ASTN1: variants seen among roughly 807,000 people sequenced by gnomAD.
The protein encoded by ASTN1 is astrotactin-1.
A neutral mutation model predicts 140.7 loss-of-function variants in ASTN1; 41 were observed. That is an observed-to-expected ratio of 0.29 (90% CI 0.23 to 0.38). ASTN1 has a LOEUF of 0.38. ASTN1 is among the 10% of genes least tolerant of loss of function. The pLI, the probability that ASTN1 is intolerant of heterozygous loss-of-function variation, is 1.00. For synonymous variants in ASTN1, 640 were observed against 652.2 expected (o/e 0.98, Z 0.29); for missense variants, 1,479 against 1,678.8 (o/e 0.88, Z 2.08).
intron 1 of ASTN1, among the ~76,000 whole-genome samples, chr1:177,104,159 C>A (rs1680436054): frequency 6.6e-6 from 1 of 152,078 alleles, no homozygotes; most frequent in Non-Finnish European, 1.5e-5. Context: ...CCATCCTGGG[C>A]AAGTTCTCCC....
At chr1:176,985,295 G>A (rs1002531454) in intron 8 of ASTN1, among the ~76,000 whole-genome samples, 2 of 152,034 alleles carry the variant, frequency 1.3e-5, no homozygotes, top group Non-Finnish European at 2.9e-5. Flanking sequence ...GTCTCCACCC[G>A]CACCTCTGTG....
intron 8 of ASTN1, among the ~76,000 whole-genome samples, chr1:176,995,626 G>C (rs1023124222): frequency 7.2e-5 from 11 of 152,198 alleles, no homozygotes; most frequent in Non-Finnish European, 1.2e-4. Context: ...ATGGGGCAGA[G>C]AGGGTTGGCA....
At chr1:176,990,266 G>C (rs907767996) in intron 8 of ASTN1, among the ~76,000 whole-genome samples, 1 of 151,444 alleles carries the variant, frequency 6.6e-6, no homozygotes, top group Admixed American at 6.6e-5. Context: ...GAAGAGGCTG[G>C]ATTTTTTTTT....
chr1:176,996,545 G>A (rs925414003), intron 8 of ASTN1, among the ~76,000 whole-genome samples: 1 of 152,126 alleles, frequency 6.6e-6, no homozygotes, highest in Non-Finnish European at 1.5e-5. Flanking sequence ...CTGAAAGAAT[G>A]GGGAGAGGTT....
At chr1:176,872,001 T>G (rs942017198) in intron 21 of ASTN1, among the ~76,000 whole-genome samples, 2 of 152,026 alleles carry the variant, frequency 1.3e-5, no homozygotes, top group African/African-American at 4.8e-5. Flanking sequence ...GGCAGCCGGG[T>G]AAATTGGCTG....
Position 177,086,578 on chromosome 1 carries a change from CA to C in ASTN1, c.284-25314del, listed in dbSNP as rs1232671955. Among the ~76,000 whole-genome samples the C allele has an allele frequency of 2.0e-5, 3 of 152,082 alleles. No individual in the cohort carries two copies. The East Asian group carries it at 5.8e-4, about 29-fold the overall frequency. On this transcript the variant is annotated intron_variant, in intron 1 of 22. Transcript: ENST00000361833. ...TGGAATACTACGTAATACTAAATGC[CA>C]AAAACCATCACATGTTTCAAAGAAC... is the stretch of plus-strand genomic sequence containing the variant.
intron 8 of ASTN1, among the ~76,000 whole-genome samples, chr1:176,992,542 A>G (rs1166544303): frequency 6.6e-6 from 1 of 152,166 alleles, no homozygotes; most frequent in Non-Finnish European, 1.5e-5. Flanking sequence ...AGCAAGCTAG[A>G]TGAGGATTAG....
intron 2 of ASTN1, among the ~76,000 whole-genome samples, chr1:177,060,610 A>C (rs1678034659): frequency 6.6e-6 from 1 of 152,166 alleles, no homozygotes; most frequent in Non-Finnish European, 1.5e-5. Context: ...TCCTGTGTTC[A>C]AGCAATTCTC....
intron 22 of ASTN1, among the ~76,000 whole-genome samples, chr1:176,867,244 C>T (rs979527920): frequency 6.6e-6 from 1 of 151,668 alleles, no homozygotes; most frequent in Non-Finnish European, 1.5e-5. Flanking sequence ...CAAATTGTGA[C>T]ATTTATGTTC....
intron 1 of ASTN1, among the ~76,000 whole-genome samples, chr1:177,073,203 A>T (rs1678727900): frequency 6.6e-6 from 1 of 152,166 alleles, no homozygotes; most frequent in South Asian, 2.1e-4. Flanking sequence ...GCCAGGGGAC[A>T]TTCATCCTCC....
chr1:177,109,936 C>T lies in ASTN1; in HGVS notation c.284-48671G>A, dbSNP rs1680740478. ...TCTCAGACTCACTGATTTTTCTATT[C>T]CTTGAAAAGTTCAGCTGAAGGCATC... On this transcript the variant is annotated intron_variant, in intron 1 of 22. Coordinates refer to ENST00000361833, the MANE Select transcript of ASTN1 (RefSeq NM_004319.3). Among the ~76,000 whole-genome samples the T allele has an allele frequency of 2.0e-5, 3 of 152,132 alleles. No homozygotes were observed. In the South Asian group the frequency reaches 6.2e-4, roughly 31 times the overall value.
chr1:177,054,533 C>T (rs1677702416), intron 2 of ASTN1, among the ~76,000 whole-genome samples: 1 of 152,328 alleles, frequency 6.6e-6, no homozygotes, highest in Admixed American at 6.5e-5. Context: ...AAGCCCACCT[C>T]CCCACTAAAA....
At chr1:176,891,354 T>A (rs1669257855) in intron 17 of ASTN1, among the ~76,000 whole-genome samples, 2 of 152,246 alleles carry the variant, frequency 1.3e-5, no homozygotes, top group Admixed American at 1.3e-4. Flanking sequence ...ATGCATCTAT[T>A]CATTCATTTA....
At position 177,032,831 on chromosome 1, in the gene ASTN1, G is replaced by A; in HGVS notation, c.490C>T (p.Leu164=). 1 of 1,605,228 alleles carries A rather than the reference G, an allele frequency of 6.2e-7. No individual in the cohort carries two copies. Among genetic ancestry groups the A allele is most frequent in the East Asian group, 2.2e-5 (1 of 44,732 alleles). Residue 164 remains leucine (L), a synonymous_variant, in exon 3 of 23, where the codon CTG becomes TTG. Transcript: ENST00000361833. The part of the protein sequence containing the change: ...ISVMGGMIAL[L]LSILCLVMIL... ...ATCACCAGGCACAAGATGGACAGCA[G>A]CAGAGCGATCATGCCACCCTAGGAA...
At chr1:177,070,994 T>G (rs1161873754) in intron 1 of ASTN1, among the ~76,000 whole-genome samples, 1 of 152,216 alleles carries the variant, frequency 6.6e-6, no homozygotes, top group Non-Finnish European at 1.5e-5. Flanking sequence ...CAACAATCTT[T>G]GACAGAATTA....
At chr1:177,130,480 G>A (rs553387604) in intron 1 of ASTN1, among the ~76,000 whole-genome samples, 1 of 152,138 alleles carries the variant, frequency 6.6e-6, no homozygotes, top group Non-Finnish European at 1.5e-5. Flanking sequence ...ATCGCTCCTG[G>A]AGTGCTTCTT....
chr1:177,097,256 G>T (rs973247085), intron 1 of ASTN1, among the ~76,000 whole-genome samples: 5 of 152,068 alleles, frequency 3.3e-5, no homozygotes, highest in Non-Finnish European at 7.4e-5. Flanking sequence ...GAAATTTTCA[G>T]GGAAAGATCC....
At chr1:176,978,503 T>G (rs930568798) in intron 8 of ASTN1, among the ~76,000 whole-genome samples, 1 of 152,212 alleles carries the variant, frequency 6.6e-6, no homozygotes, top group Non-Finnish European at 1.5e-5. Context: ...GAAGATATTT[T>G]AAGCAGTGGT....
intron 2 of ASTN1, among the ~76,000 whole-genome samples, chr1:177,046,196 C>CACA (rs1558056035): frequency 1.1e-4 from 16 of 152,262 alleles, no homozygotes; most frequent in African/African-American, 3.6e-4. Context: ...GCTCAGTGTT[C>CACA]CCCTGGCACC....
Sources: gnomAD v4.1 joint callset for allele counts (sites outside exome capture counted in the v4.1 genomes callset) on GRCh38, gnomAD v4.1.1 for gene constraint, MANE v1.5 for transcripts, NCBI Gene and HGNC (gene_info 2026-07-23, HGNC 2026-07-21) for gene names.